KDM1B: variants seen among roughly 807,000 people sequenced by gnomAD.
KDM1B encodes lysine demethylase 1B.
In KDM1B, 63 loss-of-function variants were observed where a neutral mutation model predicts 107.4. That is an observed-to-expected ratio of 0.59 (90% CI 0.48 to 0.72). KDM1B has a LOEUF of 0.72. Among genes scored for constraint, KDM1B ranks in the 30% least tolerant of loss-of-function variants. The pLI, the probability that KDM1B is intolerant of heterozygous loss-of-function variation, is 0.00. For missense variants in KDM1B, 749 were observed against 1,020.8 expected (o/e 0.73, Z 3.63); for synonymous variants, 363 against 363.9 (o/e 1.00, Z 0.03).
At chr6:18,165,422 A>G (rs1041748327) in intron 5 of KDM1B, among the ~76,000 whole-genome samples, 38 of 151,836 alleles carry the variant, frequency 2.5e-4, no homozygotes, top group Middle Eastern at 6.8e-3. Context: ...GAGCCACCGT[A>G]CCCCGCCGCC....
intron 21 of KDM1B, among the ~76,000 whole-genome samples, chr6:18,219,256 C>G (rs991284934): frequency 2.0e-5 from 3 of 152,160 alleles, no homozygotes; most frequent in African/African-American, 7.2e-5. Context: ...TAAGATCCGT[C>G]TCTTTCTTGA....
At chr6:18,206,273 T>C (rs1242276597) in intron 15 of KDM1B, among the ~76,000 whole-genome samples, 1 of 151,972 alleles carries the variant, frequency 6.6e-6, no homozygotes, top group Non-Finnish European at 1.5e-5. Flanking sequence ...CCCAGCACTT[T>C]GAGAGGCCAA....
chr6:18,157,004 T>TA (rs1784654317), intron 2 of KDM1B, among the ~76,000 whole-genome samples: 1 of 152,206 alleles, frequency 6.6e-6, no homozygotes, highest in Non-Finnish European at 1.5e-5. Context: ...TATATCCACT[T>TA]ATATATTTAC....
intron 2 of KDM1B, among the ~76,000 whole-genome samples, chr6:18,156,916 C>A (rs1268269383): frequency 1.3e-5 from 2 of 150,818 alleles, no homozygotes; most frequent in African/African-American, 4.9e-5. Context: ...GACTCCGTCT[C>A]AAAAAAAAGA....
At chr6:18,170,857 G>A (rs1057251950) in intron 6 of KDM1B, among the ~76,000 whole-genome samples, 2 of 150,442 alleles carry the variant, frequency 1.3e-5, no homozygotes, top group African/African-American at 4.9e-5. Flanking sequence ...GTCTTGCTCC[G>A]TTGCCCAGGC....
At chr6:18,174,515 A>G (rs1785864851) in intron 7 of KDM1B, among the ~76,000 whole-genome samples, 1 of 151,934 alleles carries the variant, frequency 6.6e-6, no homozygotes, top group Non-Finnish European at 1.5e-5. Flanking sequence ...GTGTTTGGTT[A>G]TATAAGTTCT....
intron 10 of KDM1B, among the ~76,000 whole-genome samples, chr6:18,193,713 TG>T (rs1787447947): frequency 6.6e-6 from 1 of 151,936 alleles, no homozygotes; most frequent in African/African-American, 2.4e-5. Flanking sequence ...CTGGTGGAGC[TG>T]GGGGGTTGGT....
rs1381840867 is a variant in KDM1B at position 18,215,006 on chromosome 6, G to C, written c.2110-1G>C. 6.2e-7 allele frequency: 1 copy of C among 1,613,768 alleles called. No homozygotes were observed. Among genetic ancestry groups the C allele is most frequent in the Admixed American group, 1.7e-5 (1 of 60,008 alleles). ...TCCTGCTTTTCCTTTCATGTCTCCA[G>C]AAGAAGCACAGCGTGCTGATGTCTG... On this transcript the variant is annotated splice_acceptor_variant, in intron 19 of 21. Coordinates refer to ENST00000650836, the MANE Select transcript of KDM1B (RefSeq NM_001364614.2). LOFTEE classifies it high-confidence loss of function.
At position 18,201,506 on chromosome 6, in the gene KDM1B, A is replaced by G. The variant is rs1788030631; in HGVS notation, c.1380A>G (p.Lys460=). The change falls in exon 14 of 22, where the codon AAA becomes AAG. Residue 460 remains lysine, a synonymous_variant. Coordinates refer to ENST00000650836, the MANE Select transcript of KDM1B (RefSeq NM_001364614.2). This position sits in a 1 kb window ranked among gnomAD's most constrained non-coding sequence, Gnocchi z 4.3. ...TGAAGCTTGGCATCAGCATGCATAA[A>G]TTTGGAGAAAGATGTGACTTAATTC... is the stretch of plus-strand genomic sequence containing the variant. ...MCEQLGISMH[K]FGERCDLIQE... is the part of the protein sequence containing the mutation. 1.3e-6 allele frequency: 2 copies of G among 1,548,938 alleles called. No individual in the cohort carries two copies. Among genetic ancestry groups the G allele is most frequent in the Middle Eastern group, 1.7e-4 (1 of 5,980 alleles).
intron 10 of KDM1B, among the ~76,000 whole-genome samples, chr6:18,193,876 CTT>C (rs1233091815): frequency 8.5e-5 from 12 of 140,638 alleles, no homozygotes; most frequent in Admixed American, 1.4e-4. Context: ...AAGACAGTGT[CTT>C]TTTTTTTTTT....
intron 17 of KDM1B, among the ~76,000 whole-genome samples, chr6:18,210,353 T>TTTTG (rs1788756765): frequency 4.3e-5 from 2 of 46,920 alleles, no homozygotes; most frequent in Non-Finnish European, 8.1e-5. Context: ...TTTTTTTTTT[T>TTTTG]TTTTTTTTTT....
chr6:18,217,791 A>C lies in KDM1B; in HGVS notation c.2291A>C (p.Gln764Pro). 6.2e-7 allele frequency: 1 copy of C among 1,614,064 alleles called. No individual in the cohort carries two copies. Among genetic ancestry groups the C allele is most frequent in the African/African-American group, 1.3e-5 (1 of 75,058 alleles). ...CGGTGGAGCACAGACCCATGGATCC[A>C]GATGGCATACAGTTTTGTGAAGACA... ...VTRWSTDPWI[Q>P]MAYSFVKTGG... The change falls in exon 21 of 22, where the codon CAG becomes CCG. Residue 764 changes from glutamine (Q) to proline (P), a missense_variant. Coordinates refer to ENST00000650836, the MANE Select transcript of KDM1B (RefSeq NM_001364614.2).
intron 5 of KDM1B, among the ~76,000 whole-genome samples, chr6:18,165,352 G>T (rs374471466): frequency 6.6e-6 from 1 of 151,002 alleles, no homozygotes; most frequent in African/African-American, 2.4e-5. Flanking sequence ...GGATGGTCTC[G>T]ATCTCCTGAC....
intron 7 of KDM1B, among the ~76,000 whole-genome samples, chr6:18,180,615 G>A (rs1443137785): frequency 6.6e-6 from 1 of 152,146 alleles, no homozygotes; most frequent in African/African-American, 2.4e-5. Context: ...GCCCAGGCTG[G>A]AGTGCGGTGA....
chr6:18,190,853 T>C (rs910270663), intron 9 of KDM1B, among the ~76,000 whole-genome samples: 3 of 151,686 alleles, frequency 2.0e-5, no homozygotes, highest in Non-Finnish European at 2.9e-5. Flanking sequence ...TAAGCCGAGA[T>C]TGGACCACTG....
intron 5 of KDM1B, 112 bp from the exon 6 acceptor site, chr6:18,166,155 G>T: frequency 4.9e-6 from 3 of 607,720 alleles, no homozygotes; most frequent in Non-Finnish European, 9.0e-6. Flanking sequence ...TTATAACAAG[G>T]CTAGTTATGT....
chr6:18,156,120 C>T (rs972737152), intron 2 of KDM1B, among the ~76,000 whole-genome samples, 194 bp downstream of exon 2: 5 of 152,184 alleles, frequency 3.3e-5, no homozygotes, highest in Non-Finnish European at 5.9e-5. Flanking sequence ...CGGCCAGGAG[C>T]CCGCACAGCC....
chr6:18,216,863 G>GA (rs1302049121), intron 20 of KDM1B, among the ~76,000 whole-genome samples: 1 of 152,164 alleles, frequency 6.6e-6, no homozygotes, highest in Non-Finnish European at 1.5e-5. Flanking sequence ...GTATGAATAG[G>GA]AAAAAACATA....
intron 7 of KDM1B, among the ~76,000 whole-genome samples, chr6:18,178,434 C>G (rs962285933): frequency 2.6e-5 from 4 of 151,342 alleles, no homozygotes; most frequent in Non-Finnish European, 5.9e-5. Context: ...TGCTTTGTCG[C>G]CAGGCTGAAG....
Sources: allele counts gnomAD v4.1 joint callset (sites outside exome capture counted in the v4.1 genomes callset), GRCh38; gene constraint gnomAD v4.1.1; non-coding constraint Gnocchi (gnomAD v3.1); transcripts MANE v1.5; gene names NCBI Gene and HGNC (gene_info 2026-07-23, HGNC 2026-07-21).